The following KLHL29 variants were observed in gnomAD, a reference collection of about 807,000 sequenced individuals.
The protein encoded by KLHL29 is kelch-like protein 29.
In KLHL29, 21 loss-of-function variants were observed where a neutral mutation model predicts 80.4. That is an observed-to-expected ratio of 0.26 (90% CI 0.19 to 0.38). KLHL29 has a LOEUF of 0.38. Ranked by LOEUF, KLHL29 falls within the 10% of genes least tolerant of loss-of-function variation. The pLI, the probability that KLHL29 is intolerant of heterozygous loss-of-function variation, is 1.00. For missense variants in KLHL29, 867 were observed against 1,223.9 expected (o/e 0.71, Z 4.35); for synonymous variants, 511 against 526.8 (o/e 0.97, Z 0.41).
At chr2:23,412,131 G>A (rs1053299090) in intron 1 of KLHL29, among the ~76,000 whole-genome samples, 9 of 147,232 alleles carry the variant, frequency 6.1e-5, no homozygotes, top group African/African-American at 2.3e-4. Flanking sequence ...AAGGGGGGGG[G>A]GGGGCGGTGC....
intron 2 of KLHL29, among the ~76,000 whole-genome samples, chr2:23,523,483 G>GGC (rs1417368074): frequency 6.6e-6 from 1 of 152,136 alleles, no homozygotes; most frequent in East Asian, 1.9e-4. Flanking sequence ...ACCTCCCTTA[G>GGC]CTTCCCCCCG....
intron 2 of KLHL29, among the ~76,000 whole-genome samples, chr2:23,480,225 G>A (rs557391600): frequency 5.3e-5 from 8 of 152,194 alleles, no homozygotes; most frequent in South Asian, 2.1e-4. Flanking sequence ...GGTGGCTCAC[G>A]CCTGTAATCC....
intron 3 of KLHL29, among the ~76,000 whole-genome samples, chr2:23,605,130 G>A (rs1317960487): frequency 7.5e-5 from 1 of 13,264 alleles, no homozygotes; most frequent in African/African-American, 2.9e-4. Context: ...TTTTTTTTTT[G>A]GAGACAGGGT....
chr2:23,532,577 C>T (rs1287933125), intron 2 of KLHL29: 2 of 456,726 alleles, frequency 4.4e-6, no homozygotes, highest in South Asian at 3.1e-5. Flanking sequence ...TCCTTTGAAG[C>T]TAAAACACTT....
At chr2:23,488,295 T>C (rs1156527843) in intron 2 of KLHL29, among the ~76,000 whole-genome samples, 3 of 152,154 alleles carry the variant, frequency 2.0e-5, no homozygotes, top group Non-Finnish European at 4.4e-5. Flanking sequence ...GGAGTAGACA[T>C]GGAAGGCAGA....
At position 23,608,457 on chromosome 2, in the gene KLHL29, CT is replaced by C. The variant is rs1182392874; in HGVS notation, c.286-30681del. On this transcript the variant is annotated intron_variant, in intron 3 of 13. Transcript: ENST00000486442. ...GGTAGGGCCCAGTCTTTTTTTTTTC[CT>C]CTGTCTTATCTTCTATGCCTGGAAT... 7.9e-5 allele frequency among the ~76,000 whole-genome samples: 12 copies of C among 151,300 alleles called. No homozygotes were observed. In the East Asian group the frequency reaches 2.1e-3, roughly 27 times the overall value.
At chr2:23,423,245 C>A (rs1037693753) in intron 1 of KLHL29, among the ~76,000 whole-genome samples, 10 of 152,358 alleles carry the variant, frequency 6.6e-5, no homozygotes, top group African/African-American at 2.4e-4. Context: ...CTGTCCAGGG[C>A]CGGGCTCTGC....
chr2:23,416,595 T>C (rs1666987196), intron 1 of KLHL29, among the ~76,000 whole-genome samples: 2 of 152,234 alleles, frequency 1.3e-5, no homozygotes, highest in African/African-American at 4.8e-5. Flanking sequence ...CCCTGTCTTT[T>C]GAGCTGTTCT....
At chr2:23,587,360 C>A (rs186769599) in intron 3 of KLHL29, among the ~76,000 whole-genome samples, 2 of 152,102 alleles carry the variant, frequency 1.3e-5, no homozygotes, top group East Asian at 3.9e-4. Context: ...CCTCAGGGCC[C>A]CCCACTAATC....
In KLHL29 at chr2:23,475,649, C is replaced by T. The variant is rs762578165; in HGVS notation, c.-64C>T. The stretch of plus-strand genomic sequence containing the variant: ...TCCTGGGGACGAATCCTGAGCTTGC[C>T]AGAGACGGGCGGCGCAAGGTAGGTC... On this transcript the variant is annotated 5_prime_UTR_variant, in exon 2 of 14. Transcript: ENST00000486442. 6.0e-6 allele frequency: 1 copy of T among 167,030 alleles called. No individual in the cohort carries two copies. Among genetic ancestry groups the T allele is most frequent in the Non-Finnish European group, 1.5e-5 (1 of 68,142 alleles). 10.3% of individuals were successfully genotyped at this position (167,030 alleles called of 1,614,324 possible). A position where few individuals can be genotyped will look rare whatever the true frequency, so the allele number is the denominator to read the frequency against.
At chr2:23,624,338 A>T (rs1355059935) in intron 3 of KLHL29, among the ~76,000 whole-genome samples, 2 of 152,146 alleles carry the variant, frequency 1.3e-5, no homozygotes, top group Non-Finnish European at 2.9e-5. Context: ...TTCCTGAGCC[A>T]TTAAAACAGG....
chr2:23,483,926 C>T (rs1664862490), intron 2 of KLHL29, among the ~76,000 whole-genome samples: 1 of 152,164 alleles, frequency 6.6e-6, no homozygotes, highest in Non-Finnish European at 1.5e-5. Context: ...AATCACATGC[C>T]TGCCTGCCTC....
intron 13 of KLHL29, 97 bp from the exon 14 acceptor site, chr2:23,706,384 C>G: frequency 2.1e-6 from 2 of 962,950 alleles, no homozygotes; most frequent in Non-Finnish European, 2.8e-6. Flanking sequence ...CTGCAAAAGG[C>G]ACAGGCAGCC....
chr2:23,495,820 T>C (rs900210500), intron 2 of KLHL29, among the ~76,000 whole-genome samples: 1 of 152,364 alleles, frequency 6.6e-6, no homozygotes, highest in Non-Finnish European at 1.5e-5. Flanking sequence ...AGCACGCGCA[T>C]GTGTTTGAAA....
intron 1 of KLHL29, among the ~76,000 whole-genome samples, chr2:23,409,681 G>A (rs570219753): frequency 3.5e-4 from 53 of 152,332 alleles, no homozygotes; most frequent in African/African-American, 7.9e-4. Flanking sequence ...TGCCTTCTGC[G>A]TGCCAGGCAC....
rs377545990 is a variant in KLHL29 at position 23,397,040 on chromosome 2, C to A, written c.-154+11260C>A. Among the ~76,000 whole-genome samples the A allele has an allele frequency of 3.9e-5, 6 of 152,214 alleles. No homozygotes were observed. In the South Asian group the frequency reaches 1.2e-3, roughly 32 times the overall value. ...GTCTGACAAGGTCTGCTCTAGTGGC[C>A]CCTGGGTAGAGGTCTGGCAGTGCGG... On this transcript the variant is annotated intron_variant, in intron 1 of 13. Coordinates refer to ENST00000486442, the MANE Select transcript of KLHL29 (RefSeq NM_052920.2).
chr2:23,677,330 G>T (rs1670952111), intron 5 of KLHL29, among the ~76,000 whole-genome samples: 1 of 152,228 alleles, frequency 6.6e-6, no homozygotes. Context: ...GGTTGTAACT[G>T]TTCCTAGGAC....
chr2:23,626,256 C>T (rs1010540610), intron 3 of KLHL29, among the ~76,000 whole-genome samples: 4 of 152,160 alleles, frequency 2.6e-5, no homozygotes, highest in South Asian at 2.1e-4. Flanking sequence ...TGACAGGAGG[C>T]GGAGCTCAGG....
In KLHL29 at chr2:23,454,306, G is replaced by T. The variant is rs187701288; in HGVS notation, c.-153-21254G>T. On this transcript the variant is annotated intron_variant, in intron 1 of 13. Transcript: ENST00000486442. ...GTCACCTCCCCTCCCCTCCTGTCACGTCCTGTGTCCCATTCCAGTCCCATA... is the reference window on the plus strand; with the variant it reads ...GTCACCTCCCCTCCCCTCCTGTCACTTCCTGTGTCCCATTCCAGTCCCATA... 4.1e-3 allele frequency among the ~76,000 whole-genome samples: 596 copies of T among 146,696 alleles called. 5 individuals are homozygous for T. The highest frequency in any genetic ancestry group is 0.014 in the African/African-American group (576 of 39,988).
Sources: allele counts gnomAD v4.1 joint callset (sites outside exome capture counted in the v4.1 genomes callset), GRCh38; gene constraint gnomAD v4.1.1; transcripts MANE v1.5; gene names NCBI Gene and HGNC (gene_info 2026-07-23, HGNC 2026-07-21).